Variants in PKNOX2 observed in about 807,000 individuals in gnomAD.
The protein encoded by PKNOX2 is PBX/knotted 1 homeobox 2, also known as homeobox protein PKNOX2.
PKNOX2 carries 14 observed loss-of-function variants against 53.1 expected under a neutral mutation model. The ratio of observed to expected loss-of-function variants is 0.26; its 90% CI spans 0.17 to 0.41. PKNOX2 has a LOEUF of 0.41. PKNOX2 is among the 10% of genes least tolerant of loss of function. PKNOX2 has a pLI of 1.00. For synonymous variants in PKNOX2, 257 were observed against 242.8 expected (o/e 1.06, Z -0.54); for missense variants, 496 against 602.8 (o/e 0.82, Z 1.85).
chr11:125,274,108 CT>C lies in PKNOX2; in HGVS notation c.-130+38994del, dbSNP rs150557139. Among the ~76,000 whole-genome samples, 515 of 152,316 alleles carry C rather than the reference CT, an allele frequency of 3.4e-3. 1 individual carries two copies. Among genetic ancestry groups the C allele is most frequent in the African/African-American group, 0.012 (478 of 41,564 alleles). ...TGTGTATTCTGTGCCTAAAGCTGTG[CT>C]AAGTACTTTGCATTTATTCTCTCAT... On this transcript the variant is annotated intron_variant, in intron 2 of 12. Transcript: ENST00000298282.
chr11:125,293,359 T>C (rs781606876), intron 2 of PKNOX2, among the ~76,000 whole-genome samples: 6 of 152,206 alleles, frequency 3.9e-5, no homozygotes, highest in South Asian at 2.1e-4. Context: ...GGGTGAAATG[T>C]AGCTCTCCCT....
In PKNOX2 at chr11:125,431,508, T is replaced by G. The variant is rs1376623114; in HGVS notation, c.*116T>G. The G allele has an allele frequency of 2.1e-4, 236 of 1,113,290 alleles. No homozygotes were observed. Among genetic ancestry groups the G allele is most frequent in the East Asian group, 3.8e-4 (12 of 31,768 alleles). 69.0% of individuals were successfully genotyped at this position (1,113,290 alleles called of 1,614,324 possible). ...AGCACCGAGGGAGTTGGGCCCTAGC[T>G]TCCCCAAATCAGTAGCTTGAAGAAA... On this transcript the variant is annotated 3_prime_UTR_variant, in exon 13 of 13. Transcript: ENST00000298282.
chr11:125,359,156 C>CGG (rs1565505816), intron 4 of PKNOX2, among the ~76,000 whole-genome samples: 1 of 152,078 alleles, frequency 6.6e-6, no homozygotes, highest in African/African-American at 2.4e-5. Context: ...TGGACACCAT[C>CGG]AGGTGCGCTC....
At chr11:125,411,628 C>T (rs1476707797) in intron 9 of PKNOX2, 118 bp from the exon 10 acceptor site, 1 of 1,548,848 alleles carries the variant, frequency 6.5e-7, no homozygotes, top group African/African-American at 1.4e-5. Flanking sequence ...TCCCCAGGGC[C>T]CTAGGAATGA....
At chr11:125,320,937 C>T (rs1040863025) in intron 2 of PKNOX2, among the ~76,000 whole-genome samples, 1 of 152,198 alleles carries the variant, frequency 6.6e-6, no homozygotes, top group East Asian at 1.9e-4. Context: ...TCATTGTGCT[C>T]TCTTTCACTC....
chr11:125,417,806 C>T lies in PKNOX2; in HGVS notation c.936+5941C>T, dbSNP rs535040292. ...AGCGATGCTGCCTTTGATGTCTCCCCCACCCCACTCATCACATTCAGAAGC... is the reference window on the plus strand; with the variant it reads ...AGCGATGCTGCCTTTGATGTCTCCCTCACCCCACTCATCACATTCAGAAGC... On this transcript the variant is annotated intron_variant, in intron 10 of 12. Coordinates refer to ENST00000298282, the MANE Select transcript of PKNOX2 (RefSeq NM_001382323.2). Among the ~76,000 whole-genome samples, 114 of 152,066 alleles carry T rather than the reference C, an allele frequency of 7.5e-4. 6 individuals are homozygous for T. Among genetic ancestry groups the T allele is most frequent in the African/African-American group, 2.7e-3 (110 of 41,332 alleles).
intron 10 of PKNOX2, among the ~76,000 whole-genome samples, chr11:125,425,921 G>A (rs59848365): frequency 6.6e-6 from 1 of 151,714 alleles, no homozygotes; most frequent in Non-Finnish European, 1.5e-5. Context: ...GATACTGGAC[G>A]TCCAGGAGGG....
intron 2 of PKNOX2, among the ~76,000 whole-genome samples, chr11:125,243,456 T>C (rs1022536295): frequency 6.6e-6 from 1 of 152,220 alleles, no homozygotes; most frequent in African/African-American, 2.4e-5. Flanking sequence ...CTGGACTCCA[T>C]GTCTCGTTAT....
At chr11:125,389,220 A>AAACAAAC (rs1953866968) in intron 6 of PKNOX2, among the ~76,000 whole-genome samples, 1 of 123,234 alleles carries the variant, frequency 8.1e-6, no homozygotes, top group Non-Finnish European at 1.7e-5. Flanking sequence ...AACAAACAAA[A>AAACAAAC]AACCCTAGGG....
At position 125,344,992 on chromosome 11, in the gene PKNOX2, G is replaced by A. The variant is rs528084834; in HGVS notation, c.-22-6292G>A. On this transcript the variant is annotated intron_variant, in intron 3 of 12. Transcript: ENST00000298282. ...GTACAAACTCCCTCCCTGGCTCCCA[G>A]GCCCCACTCCAAGCCTGACCTCAGC... Among the ~76,000 whole-genome samples, 114 of 152,216 alleles carry A rather than the reference G, an allele frequency of 7.5e-4. 1 individual carries two copies. The South Asian group carries it at 9.1e-3, about 12-fold the overall frequency.
chr11:125,233,136 A>T (rs1314819599), intron 1 of PKNOX2, among the ~76,000 whole-genome samples: 1 of 152,224 alleles, frequency 6.6e-6, no homozygotes, highest in Non-Finnish European at 1.5e-5. Context: ...TGAACTTTTA[A>T]CTTTTAGCCT....
At chr11:125,302,794 T>G (rs1242993639) in intron 2 of PKNOX2, among the ~76,000 whole-genome samples, 1 of 152,186 alleles carries the variant, frequency 6.6e-6, no homozygotes. Context: ...CCCTCCTCCA[T>G]GCCCTCTCCA....
At chr11:125,231,424 C>T (rs73617585) in intron 1 of PKNOX2, among the ~76,000 whole-genome samples, 3,847 of 152,320 alleles carry the variant, frequency 0.025, 156 homozygotes, top group African/African-American at 0.087. Flanking sequence ...AAATGTGAAT[C>T]GCCAATCTCA....
At chr11:125,406,307 T>C (rs1291182077) in intron 7 of PKNOX2, among the ~76,000 whole-genome samples, 2 of 151,840 alleles carry the variant, frequency 1.3e-5, no homozygotes, top group East Asian at 1.9e-4. Flanking sequence ...CCAAGTGGAG[T>C]TGTGGGGCTA....
At chr11:125,388,354 C>T (rs562678490) in intron 6 of PKNOX2, among the ~76,000 whole-genome samples, 27 of 152,256 alleles carry the variant, frequency 1.8e-4, no homozygotes, top group Middle Eastern at 3.4e-3. Flanking sequence ...TTTACAACCC[C>T]GCACACGTAG....
At chr11:125,320,433 C>A (rs979608797) in intron 2 of PKNOX2, among the ~76,000 whole-genome samples, 6 of 152,068 alleles carry the variant, frequency 3.9e-5, no homozygotes, top group Non-Finnish European at 8.8e-5. Context: ...GATGAATGGG[C>A]TGGGCTTGGA....
intron 10 of PKNOX2, among the ~76,000 whole-genome samples, chr11:125,427,020 C>T (rs1227997876): frequency 6.6e-6 from 1 of 152,206 alleles, no homozygotes; most frequent in Admixed American, 6.5e-5. Flanking sequence ...GCATGAAAGG[C>T]CCTTGCACCT....
At chr11:125,208,304 G>A (rs1205178532) in intron 1 of PKNOX2, among the ~76,000 whole-genome samples, 1 of 152,048 alleles carries the variant, frequency 6.6e-6, no homozygotes, top group Non-Finnish European at 1.5e-5. Context: ...CAGAACCGAG[G>A]TAGATTGTAA....
At chr11:125,180,828 GCAACTGACAGGCAGA>G (rs1956119655) in intron 1 of PKNOX2, among the ~76,000 whole-genome samples, 1 of 152,198 alleles carries the variant, frequency 6.6e-6, no homozygotes, top group African/African-American at 2.4e-5. Flanking sequence ...GCAGCTATTG[GCAACTGACAGGCAGA>G]CATACTTCTC....
Sources: allele counts gnomAD v4.1 joint callset (sites outside exome capture counted in the v4.1 genomes callset), GRCh38; gene constraint gnomAD v4.1.1; transcripts MANE v1.5; gene names NCBI Gene and HGNC (gene_info 2026-07-23, HGNC 2026-07-21).